Variants in SUCLA2 observed in about 807,000 individuals in gnomAD.
SUCLA2 encodes succinate--CoA ligase [ADP-forming] subunit beta, mitochondrial.
In SUCLA2, 30 loss-of-function variants were observed where a neutral mutation model predicts 54.8. That is an observed-to-expected ratio of 0.55 (90% CI 0.41 to 0.74). The LOEUF (loss-of-function observed/expected upper bound fraction) is 0.74, where lower values mean the gene tolerates loss of function less well. Ranked by LOEUF, SUCLA2 falls within the 30% of genes least tolerant of loss-of-function variation. SUCLA2 has a pLI of 0.00. For synonymous variants in SUCLA2, 172 were observed against 188.9 expected (o/e 0.91, Z 0.74); for missense variants, 476 against 562.9 (o/e 0.85, Z 1.56).
chr13:47,951,029 C>A (rs963419325), intron 8 of SUCLA2, among the ~76,000 whole-genome samples: 3 of 152,122 alleles, frequency 2.0e-5, no homozygotes, highest in Non-Finnish European at 4.4e-5. Flanking sequence ...CTCTCCCTCT[C>A]ACCTCATTCT....
At chr13:47,963,606 C>T (rs1949890687) in intron 6 of SUCLA2, among the ~76,000 whole-genome samples, 1 of 151,994 alleles carries the variant, frequency 6.6e-6, no homozygotes, top group African/African-American at 2.4e-5. Flanking sequence ...GATCACGCCA[C>T]TGCACTCCAG....
At chr13:47,997,464 G>A (rs1950199902) in intron 1 of SUCLA2, among the ~76,000 whole-genome samples, 1 of 152,004 alleles carries the variant, frequency 6.6e-6, no homozygotes, top group South Asian at 2.1e-4. Flanking sequence ...TCATACACTC[G>A]ATATTCAAAA....
At chr13:47,970,971 G>A (rs1794449840) in intron 5 of SUCLA2, among the ~76,000 whole-genome samples, 1 of 152,210 alleles carries the variant, frequency 6.6e-6, no homozygotes, top group Non-Finnish European at 1.5e-5. Context: ...GGGAGGCAGA[G>A]CTTGCAGTGA....
At chr13:47,997,870 C>A (rs758269771) in intron 1 of SUCLA2, among the ~76,000 whole-genome samples, 5 of 152,156 alleles carry the variant, frequency 3.3e-5, no homozygotes, top group Admixed American at 6.5e-5. Flanking sequence ...TGCTTGTAAT[C>A]TGCAGATTCC....
rs779363900 is a variant in SUCLA2, at chr13:48,001,245, T to C, written c.25A>G (p.Arg9Gly). The C allele has an allele frequency of 1.2e-5, 20 of 1,605,918 alleles. No homozygotes were observed. Among genetic ancestry groups the C allele is most frequent in the Non-Finnish European group, 1.4e-5 (17 of 1,177,070 alleles). Residue 9 changes from arginine to glycine, a missense_variant, in exon 1 of 11, where the codon AGG (arginine) becomes GGG (glycine). Coordinates refer to ENST00000646932, the MANE Select transcript of SUCLA2 (RefSeq NM_003850.3). ...CGAAGGGTGGCCACGGCCACTAGCC[T>C]GCCGTAGAACATGGAGGCCGCCATT... MAASMFYG[R>G]LVAVATLRNH...
At chr13:47,973,095 T>G (rs1046519739) in intron 5 of SUCLA2, among the ~76,000 whole-genome samples, 169 bp downstream of exon 5, 1 of 152,146 alleles carries the variant, frequency 6.6e-6, no homozygotes, top group Non-Finnish European at 1.5e-5. Context: ...TATAGAGATA[T>G]GAAAAAATTG....
chr13:47,974,108 A>C (rs1566087776), intron 4 of SUCLA2, among the ~76,000 whole-genome samples: 1 of 152,060 alleles, frequency 6.6e-6, no homozygotes, highest in Non-Finnish European at 1.5e-5. Flanking sequence ...AAGAAAAAAA[A>C]CTTAACACCA....
intron 4 of SUCLA2, 145 bp from the exon 5 acceptor site, chr13:47,973,537 A>G (rs1419838639): frequency 2.4e-6 from 2 of 838,872 alleles, no homozygotes; most frequent in Non-Finnish European, 3.8e-6. Context: ...ATTTATCCTC[A>G]CATCTCCAGC....
chr13:47,946,118 T>C lies in SUCLA2; in HGVS notation c.1318-2673A>G, dbSNP rs140888972. 3.8e-3 allele frequency among the ~76,000 whole-genome samples: 586 copies of C among 152,378 alleles called. 2 individuals are homozygous for C. The highest frequency in any genetic ancestry group is 0.013 in the African/African-American group (548 of 41,592). ...CTCATTATCACCACAAAGGTGAGTATAGAACAATAAGATATTTTGAGAGAC... is the reference window on the plus strand; with the variant it reads ...CTCATTATCACCACAAAGGTGAGTACAGAACAATAAGATATTTTGAGAGAC... On this transcript the variant is annotated intron_variant, in intron 10 of 10. Coordinates refer to ENST00000646932, the MANE Select transcript of SUCLA2 (RefSeq NM_003850.3).
intron 10 of SUCLA2, among the ~76,000 whole-genome samples, chr13:47,947,991 T>A (rs1012062940): frequency 6.6e-6 from 1 of 152,170 alleles, no homozygotes; most frequent in African/African-American, 2.4e-5. Context: ...ACAAAAGATA[T>A]AAGAGACTCA....
chr13:47,963,814 C>T (rs1949893415), intron 6 of SUCLA2, among the ~76,000 whole-genome samples: 1 of 152,174 alleles, frequency 6.6e-6, no homozygotes, highest in African/African-American at 2.4e-5. Context: ...GTATGTCTAT[C>T]TTGGTACCTA....
intron 1 of SUCLA2, among the ~76,000 whole-genome samples, chr13:47,999,082 C>G (rs1318123974): frequency 6.6e-6 from 1 of 152,158 alleles, no homozygotes; most frequent in Non-Finnish European, 1.5e-5. Flanking sequence ...AACTGCAACA[C>G]ATATAAGAGC....
At chr13:47,987,977 T>C (rs973131628) in intron 4 of SUCLA2, 1 of 152,248 alleles carries the variant, frequency 6.6e-6, no homozygotes, top group South Asian at 2.1e-4. Flanking sequence ...AGCTTTATGT[T>C]CAACATTTTA....
chr13:47,984,175 TTAA>T (rs1566090345), intron 4 of SUCLA2, among the ~76,000 whole-genome samples: 1 of 152,056 alleles, frequency 6.6e-6, no homozygotes, highest in Non-Finnish European at 1.5e-5. Flanking sequence ...TTCAAATATA[TTAA>T]TAATTCTACT....
intron 6 of SUCLA2, among the ~76,000 whole-genome samples, chr13:47,959,564 A>G (rs1048981498): frequency 4.7e-5 from 7 of 148,434 alleles, no homozygotes; most frequent in African/African-American, 1.8e-4. Flanking sequence ...AGCCCAGGAG[A>G]AGGAGGAGGA....
chr13:47,988,645 G>C lies in SUCLA2; in HGVS notation c.430C>G (p.Gln144Glu), dbSNP rs1950124843. 1 of 1,613,706 alleles carries C rather than the reference G, an allele frequency of 6.2e-7. No homozygotes were observed. Among genetic ancestry groups the C allele is most frequent in the African/African-American group, 1.3e-5 (1 of 74,870 alleles). ...QMIGKKLFTK[Q>E]TGEKGRICNQ... Reference sequence around the variant, plus strand: ...CATATTCTGCCCTTTTCTCCCGTTTGCTTGGTAAACAATTTTTTCCCAATC... The same window carrying C: ...CATATTCTGCCCTTTTCTCCCGTTTCCTTGGTAAACAATTTTTTCCCAATC... The change falls in exon 4 of 11, where the codon CAA becomes GAA. Residue 144 changes from glutamine to glutamate, a missense_variant. Coordinates refer to ENST00000646932, the MANE Select transcript of SUCLA2 (RefSeq NM_003850.3).
In SUCLA2 at chr13:47,973,344, C is replaced by T; in HGVS notation, c.583G>A (p.Val195Ile). Residue 195 changes from valine (V) to isoleucine (I), a missense_variant, in exon 5 of 11, where the codon GTT (valine) becomes ATT (isoleucine). Around this residue, in one of 2 missense-constraint regions of SUCLA2, gnomAD observed 342 missense variants for 444.2 expected, o/e 0.77. Coordinates refer to ENST00000646932, the MANE Select transcript of SUCLA2 (RefSeq NM_003850.3). ...SSHGGVNIED[V>I]AAESPEAIIK... ...ATTGCTTCAGGAGACTCAGCAGCAACATCTTCAATGTTGACACCACCATGT... is the reference window on the plus strand; with the variant it reads ...ATTGCTTCAGGAGACTCAGCAGCAATATCTTCAATGTTGACACCACCATGT... 1 of 1,613,722 alleles carries T rather than the reference C, an allele frequency of 6.2e-7. No individual in the cohort carries two copies. Among genetic ancestry groups the T allele is most frequent in the Non-Finnish European group, 8.5e-7 (1 of 1,179,878 alleles).
intron 6 of SUCLA2, among the ~76,000 whole-genome samples, chr13:47,960,502 G>A (rs1408752577): frequency 1.3e-5 from 2 of 152,106 alleles, no homozygotes; most frequent in Admixed American, 6.5e-5. Flanking sequence ...GAATAAAAAT[G>A]TTTAAATGTT....
intron 6 of SUCLA2, among the ~76,000 whole-genome samples, chr13:47,960,087 G>C (rs1169284278): frequency 6.6e-6 from 1 of 152,118 alleles, no homozygotes; most frequent in African/African-American, 2.4e-5. Flanking sequence ...GAGGTTCTGG[G>C]TAACACTGTA....
Sources: gnomAD v4.1 joint callset for allele counts (sites outside exome capture counted in the v4.1 genomes callset) on GRCh38, gnomAD v4.1.1 for gene constraint, gnomAD v4.1.1 regional missense constraint, MANE v1.5 for transcripts, NCBI Gene and HGNC (gene_info 2026-07-23, HGNC 2026-07-21) for gene names.